Variants in ANKRD44 observed in about 807,000 individuals in gnomAD.
The protein encoded by ANKRD44 is serine/threonine-protein phosphatase 6 regulatory ankyrin repeat subunit B.
ANKRD44 carries 35 observed loss-of-function variants against 116.0 expected under a neutral mutation model. The observed-to-expected ratio is 0.30, with a 90% CI of 0.23 to 0.40. The LOEUF (loss-of-function observed/expected upper bound fraction) is 0.40. Ranked by LOEUF, ANKRD44 falls within the 10% of genes least tolerant of loss-of-function variation. The probability of loss-of-function intolerance (pLI) is 1.00; values close to 1 mark genes in which losing one functional copy is unlikely to be tolerated. For synonymous variants in ANKRD44, 435 were observed against 461.8 expected (o/e 0.94, Z 0.74); for missense variants, 1,014 against 1,242.6 (o/e 0.82, Z 2.77).
chr2:197,275,275 C>T (rs2083042000), intron 1 of ANKRD44, among the ~76,000 whole-genome samples: 1 of 151,730 alleles, frequency 6.6e-6, no homozygotes, highest in Non-Finnish European at 1.5e-5. Context: ...CCACTACACC[C>T]AACTAATATG....
At chr2:197,145,457 C>G (rs1421360031) in intron 3 of ANKRD44, among the ~76,000 whole-genome samples, 2 of 152,214 alleles carry the variant, frequency 1.3e-5, no homozygotes, top group Non-Finnish European at 2.9e-5. Flanking sequence ...GGCAACCAGC[C>G]AGGTGTGCAT....
intron 1 of ANKRD44, among the ~76,000 whole-genome samples, chr2:197,258,359 G>A (rs967889736): frequency 1.5e-4 from 21 of 137,758 alleles, no homozygotes; most frequent in Non-Finnish European, 2.6e-4. Context: ...CTGACCTCAA[G>A]TGATCCACCC....
chr2:197,306,456 G>C (rs1481856177), intron 1 of ANKRD44, among the ~76,000 whole-genome samples: 2 of 152,150 alleles, frequency 1.3e-5, no homozygotes, highest in African/African-American at 2.4e-5. Context: ...TATACAATAA[G>C]AGCACAATAA....
intron 9 of ANKRD44, among the ~76,000 whole-genome samples, chr2:197,110,008 G>A (rs934892645): frequency 1.4e-4 from 21 of 150,262 alleles, no homozygotes; most frequent in South Asian, 1.0e-3. Context: ...ACAAAGTCTC[G>A]CTCTGTCACC....
intron 1 of ANKRD44, among the ~76,000 whole-genome samples, chr2:197,191,336 A>G (rs1363728955): frequency 6.6e-6 from 1 of 152,126 alleles, no homozygotes; most frequent in Non-Finnish European, 1.5e-5. Flanking sequence ...CTAGAGGTGA[A>G]TGTCTGCCAA....
intron 1 of ANKRD44, among the ~76,000 whole-genome samples, chr2:197,294,446 G>C (rs2083660412): frequency 6.6e-6 from 1 of 152,094 alleles, no homozygotes; most frequent in South Asian, 2.1e-4. Flanking sequence ...CAGAACTCCA[G>C]GCCTAGGAGG....
intron 21 of ANKRD44, among the ~76,000 whole-genome samples, chr2:197,005,086 A>AC (rs1006983376): frequency 2.0e-5 from 3 of 152,176 alleles, no homozygotes; most frequent in Non-Finnish European, 4.4e-5. Flanking sequence ...CAAAGGAAAA[A>AC]TTATGAAAGA....
At chr2:197,211,436 C>T (rs770310307) in intron 1 of ANKRD44, among the ~76,000 whole-genome samples, 23 of 152,196 alleles carry the variant, frequency 1.5e-4, no homozygotes, top group South Asian at 2.1e-4. Flanking sequence ...CCAGGTACTT[C>T]CACCAAAGTA....
intron 1 of ANKRD44, among the ~76,000 whole-genome samples, chr2:197,256,245 G>A (rs1029942644): frequency 6.6e-6 from 1 of 152,166 alleles, no homozygotes; most frequent in African/African-American, 2.4e-5. Flanking sequence ...CAGTGGACCA[G>A]GCTCATTTCT....
intron 8 of ANKRD44, among the ~76,000 whole-genome samples, chr2:197,111,718 CT>C (rs2078571926): frequency 6.7e-6 from 1 of 148,786 alleles, no homozygotes; most frequent in Non-Finnish European, 1.5e-5. Context: ...AAAAAAATCA[CT>C]TTTAAAATAA....
At chr2:196,976,804 G>A (rs1036734642) in intron 21 of ANKRD44, among the ~76,000 whole-genome samples, 2 of 151,984 alleles carry the variant, frequency 1.3e-5, no homozygotes, top group African/African-American at 4.8e-5. Context: ...GGAAGTCGAG[G>A]CTAAAGTGAG....
chr2:197,277,906 T>C (rs2083138343), intron 1 of ANKRD44, among the ~76,000 whole-genome samples: 1 of 152,182 alleles, frequency 6.6e-6, no homozygotes, highest in African/African-American at 2.4e-5. Context: ...TAGGAGTCAC[T>C]GACGCTAATG....
At chr2:196,991,760 T>C (rs1037600547) in intron 27 of ANKRD44, among the ~76,000 whole-genome samples, 120 of 41,078 alleles carry the variant, frequency 2.9e-3, no homozygotes, top group Non-Finnish European at 7.7e-3. Flanking sequence ...TTTTCTTTTT[T>C]TGGTTTTTTT....
In ANKRD44 at chr2:197,013,670, A is replaced by G; in HGVS notation, c.1765T>C (p.Ser589Pro). 6.2e-7 allele frequency: 1 copy of G among 1,613,790 alleles called. No homozygotes were observed. Among genetic ancestry groups the G allele is most frequent in the Non-Finnish European group, 8.5e-7 (1 of 1,180,020 alleles). Residue 589 changes from serine (S) to proline (P), a missense_variant, in exon 18 of 28, where the codon TCG (serine) becomes CCG (proline). By Grantham distance (74) the Ser-to-Pro change is moderately conservative. Coordinates refer to ENST00000282272, the MANE Select transcript of ANKRD44 (RefSeq NM_001195144.2). ...TCCCTGATGTCCAGGTCCACCAACG[A>G]CTGCAGAAGGACTTCCAAGGCTTGA... ...HHQALEVLLQ[S>P]LVDLDIRDEK... is the part of the protein sequence containing the mutation.
At chr2:197,035,798 G>A (rs1037687133) in intron 16 of ANKRD44, among the ~76,000 whole-genome samples, 2 of 151,722 alleles carry the variant, frequency 1.3e-5, no homozygotes, top group South Asian at 2.1e-4. Context: ...AGCCCAGAAC[G>A]GGGGGCTGAG....
intron 2 of ANKRD44, among the ~76,000 whole-genome samples, chr2:197,156,964 G>A (rs1476300211): frequency 6.6e-6 from 1 of 152,174 alleles, no homozygotes; most frequent in South Asian, 2.1e-4. Context: ...GGGAGGGGTA[G>A]CAGGGAGGGA....
intron 2 of ANKRD44, among the ~76,000 whole-genome samples, chr2:197,161,191 C>T (rs1285447756): frequency 1.3e-5 from 2 of 152,062 alleles, no homozygotes; most frequent in Non-Finnish European, 2.9e-5. Context: ...GACACGAGTG[C>T]TCCCAGAATT....
At chr2:197,275,749 G>T (rs1421947235) in intron 1 of ANKRD44, among the ~76,000 whole-genome samples, 5 of 152,046 alleles carry the variant, frequency 3.3e-5, no homozygotes, top group African/African-American at 1.2e-4. Flanking sequence ...GGCATATGGG[G>T]GGTGGGAGCA....
chr2:197,079,883 C>T (rs895621182), intron 15 of ANKRD44, among the ~76,000 whole-genome samples: 9 of 152,260 alleles, frequency 5.9e-5, no homozygotes, highest in Middle Eastern at 3.4e-3. Flanking sequence ...TTAAAACAGA[C>T]ACTTCAATTT....
Sources: allele counts gnomAD v4.1 joint callset (sites outside exome capture counted in the v4.1 genomes callset), GRCh38; gene constraint gnomAD v4.1.1; transcripts MANE v1.5; gene names NCBI Gene and HGNC (gene_info 2026-07-23, HGNC 2026-07-21).